Variants in ADGRE3 observed in about 807,000 individuals in gnomAD.
ADGRE3 encodes the protein EGF-like module receptor 3.
A neutral mutation model predicts 80.1 loss-of-function variants in ADGRE3; 88 were observed. The observed-to-expected ratio is 1.10, with a 90% CI of 0.93 to 1.31. The LOEUF is 1.31. ADGRE3 is among the 40% of genes most tolerant of loss of function. The probability of loss-of-function intolerance (pLI) is 0.00; values close to 1 mark genes in which losing one functional copy is unlikely to be tolerated. For missense variants in ADGRE3, 715 were observed against 776.5 expected (o/e 0.92, Z 0.94); for synonymous variants, 281 against 294.8 (o/e 0.95, Z 0.48).
chr19:14,655,235 T>C, intron 5 of ADGRE3, 70 bp from the exon 6 acceptor site: 3 of 1,389,210 alleles, frequency 2.2e-6, no homozygotes, highest in Non-Finnish European at 2.9e-6. Flanking sequence ...AAAAGAACAG[T>C]AGAAAGCATG....
chr19:14,604,008 C>T, the ADGRE3 span, among the ~76,000 whole-genome samples: 1 of 152,190 alleles, frequency 6.6e-6, no homozygotes, highest in Non-Finnish European at 1.5e-5. Flanking sequence ...TCCCACTCTT[C>T]CATCAGCAAA....
downstream of ADGRE3, among the ~76,000 whole-genome samples, chr19:14,617,377 C>CTTTCTTTTTCTTTCTTTCTTTCTTT (rs1491527496): frequency 6.6e-4 from 57 of 86,362 alleles, 2 homozygotes; most frequent in Admixed American, 1.4e-3. Flanking sequence ...TTTCTTTCTT[C>CTTTCTTTTTCTTTCTTTCTTTCTTT]CTTTCTTTCT....
the ADGRE3 span, among the ~76,000 whole-genome samples, chr19:14,607,761 A>G: frequency 1.3e-5 from 2 of 151,126 alleles, no homozygotes; most frequent in East Asian, 2.0e-4. Flanking sequence ...AATTTTGTAG[A>G]GATGGGGTTT....
intron 2 of ADGRE3, among the ~76,000 whole-genome samples, chr19:14,666,915 A>C (rs1972121247): frequency 6.6e-6 from 1 of 152,164 alleles, no homozygotes; most frequent in East Asian, 1.9e-4. Flanking sequence ...ACTGGTTTAA[A>C]TAGTGTCCTC....
chr19:14,645,654 C>CA (rs1428603433), intron 8 of ADGRE3, among the ~76,000 whole-genome samples: 3 of 139,974 alleles, frequency 2.1e-5, no homozygotes, highest in African/African-American at 5.4e-5. Flanking sequence ...GACTCCGACT[C>CA]AAAAAAAGAA....
Position 14,668,855 on chromosome 19 carries a change from G to C in ADGRE3, c.26-3C>G. On this transcript the variant is annotated splice_region_variant and splice_polypyrimidine_tract_variant and intron_variant, in intron 1 of 15. Transcript: ENST00000253673. ...GAGGCTCAGCAGAAAGCAGAGGCCT[G>C]GAATAGATGGGAAACAGAAGGGAGA... 6.2e-7 allele frequency: 1 copy of C among 1,613,862 alleles called. No homozygotes were observed. Among genetic ancestry groups the C allele is most frequent in the Non-Finnish European group, 8.5e-7 (1 of 1,179,832 alleles).
At chr19:14,627,454 T>C (rs868068566) in intron 14 of ADGRE3, among the ~76,000 whole-genome samples, 3 of 152,152 alleles carry the variant, frequency 2.0e-5, no homozygotes, top group African/African-American at 4.8e-5. Context: ...CTCAGCTCAC[T>C]GCAACCTCTG....
At chr19:14,620,558 A>AT (rs1247230718) in intron 15 of ADGRE3, among the ~76,000 whole-genome samples, 2 of 23,584 alleles carry the variant, frequency 8.5e-5, no homozygotes, top group African/African-American at 3.6e-4. Context: ...TTATATATAT[A>AT]TATATATATA....
chr19:14,601,433 A>C, the ADGRE3 span, among the ~76,000 whole-genome samples: 7 of 152,300 alleles, frequency 4.6e-5, no homozygotes, highest in African/African-American at 1.7e-4. Context: ...ACTACAATTT[A>C]GGTAGTATTA....
chr19:14,652,507 C>T (rs1179448427), intron 6 of ADGRE3, among the ~76,000 whole-genome samples: 1 of 151,672 alleles, frequency 6.6e-6, no homozygotes, highest in Non-Finnish European at 1.5e-5. Flanking sequence ...TGGCTGGGTG[C>T]AGTGGCTCAT....
downstream of ADGRE3, among the ~76,000 whole-genome samples, chr19:14,618,081 C>T (rs1260494818): frequency 2.0e-5 from 3 of 151,968 alleles, no homozygotes; most frequent in African/African-American, 7.2e-5. Context: ...AGAGTCCAGG[C>T]TCTTTTACAC....
the ADGRE3 span, among the ~76,000 whole-genome samples, chr19:14,600,891 CTTTTTTTTTTTTTTTT>C: frequency 3.2e-5 from 2 of 63,182 alleles, no homozygotes; most frequent in South Asian, 6.2e-4. Context: ...GCTCGGCCTT[CTTTTTTTTTTTTTTTT>C]TTTTTTTTTT....
chr19:14,600,262 C>G, the ADGRE3 span: 1 of 1,510,172 alleles, frequency 6.6e-7, no homozygotes, highest in Non-Finnish European at 9.0e-7. Context: ...CCCTCCCTTC[C>G]CTGGATGGCA....
At chr19:14,617,381 T>TCTTTCTTTCTTTCTTTCTTC, downstream of ADGRE3, among the ~76,000 whole-genome samples, 4 of 131,010 alleles carry the variant, frequency 3.1e-5, no homozygotes, top group South Asian at 1.1e-3. Context: ...TTTCTTCCTT[T>TCTTTCTTTCTTTCTTTCTTC]CTTTCTTTCT....
intron 1 of ADGRE3, among the ~76,000 whole-genome samples, chr19:14,674,526 C>T (rs1972340880): frequency 6.6e-6 from 1 of 151,716 alleles, no homozygotes; most frequent in African/African-American, 2.4e-5. Context: ...ACAAACAAAA[C>T]AAACAAAAAA....
At chr19:14,653,184 G>A (rs1196911493) in intron 6 of ADGRE3, among the ~76,000 whole-genome samples, 1 of 151,760 alleles carries the variant, frequency 6.6e-6, no homozygotes, top group Non-Finnish European at 1.5e-5. Context: ...CACCATGTTG[G>A]CCAGGCTGAT....
At chr19:14,652,858 TCA>T (rs1238635671) in intron 6 of ADGRE3, among the ~76,000 whole-genome samples, 1 of 151,876 alleles carries the variant, frequency 6.6e-6, no homozygotes, top group Admixed American at 6.6e-5. Context: ...ATATTGACTC[TCA>T]GTTTTTGAAA....
At chr19:14,674,595 G>T in intron 1 of ADGRE3, 151 bp downstream of exon 1, 1 of 663,876 alleles carries the variant, frequency 1.5e-6, no homozygotes, top group Non-Finnish European at 2.6e-6. Flanking sequence ...ACTTTGAATA[G>T]GGTAGTCAGG....
At chr19:14,654,959 A>C (rs1158021590) in intron 6 of ADGRE3, 23 bp downstream of exon 6, 7 of 1,605,328 alleles carry the variant, frequency 4.4e-6, no homozygotes, top group Non-Finnish European at 6.0e-6. Context: ...CCCAGGGTGT[A>C]TCAGTCCTCA....
Sources: allele counts gnomAD v4.1 joint callset (sites outside exome capture counted in the v4.1 genomes callset), GRCh38; gene constraint gnomAD v4.1.1; transcripts MANE v1.5; gene names NCBI Gene and HGNC (gene_info 2026-07-23, HGNC 2026-07-21).